NAV1: variants seen among roughly 807,000 people sequenced by gnomAD.
NAV1 encodes neuron navigator 1.
In NAV1, 18 loss-of-function variants were observed where a neutral mutation model predicts 175.2. The observed-to-expected ratio is 0.10, with a 90% CI of 0.07 to 0.15. The LOEUF (loss-of-function observed/expected upper bound fraction) is 0.15. Ranked by LOEUF, NAV1 falls within the 10% of genes least tolerant of loss-of-function variation. The probability of loss-of-function intolerance (pLI) is 1.00; values close to 1 mark genes in which losing one functional copy is unlikely to be tolerated. For synonymous variants in NAV1, 897 were observed against 978.7 expected, an observed-to-expected ratio of 0.92 and a Z score of 1.56; for missense variants, 1,731 against 2,436.6, an observed-to-expected ratio of 0.71 and a Z score of 6.10.
chr1:201,712,940 G>A, intron 2 of NAV1, 21 bp downstream of exon 6: 1 of 1,576,292 alleles, frequency 6.3e-7, no homozygotes, highest in Non-Finnish European at 8.7e-7. Context: ...GCTGCAGAGA[G>A]GGTCATGCCC....
intron 1 of NAV1, among the ~76,000 whole-genome samples, chr1:201,674,402 G>T (rs1482626322): frequency 6.6e-6 from 1 of 151,988 alleles, no homozygotes; most frequent in East Asian, 1.9e-4. Flanking sequence ...GGGGGGGGTT[G>T]TCCAGGGCCC....
At chr1:201,572,370 C>CTTTTT (rs558471603) in intron 1 of NAV1, among the ~76,000 whole-genome samples, 1 of 136,464 alleles carries the variant, frequency 7.3e-6, no homozygotes, top group Non-Finnish European at 1.6e-5. Flanking sequence ...TTCTTTCTTT[C>CTTTTT]TTTTTTTTTT....
At chr1:201,595,442 G>T (rs1332109816) in intron 2 of NAV1, among the ~76,000 whole-genome samples, 2 of 152,154 alleles carry the variant, frequency 1.3e-5, no homozygotes, top group African/African-American at 4.8e-5. Flanking sequence ...CCATTCTCTG[G>T]CTCAGTGGCT....
chr1:201,654,707 C>A (rs935559668), intron 1 of NAV1, among the ~76,000 whole-genome samples: 2 of 152,078 alleles, frequency 1.3e-5, no homozygotes, highest in Non-Finnish European at 2.9e-5. Context: ...ATCTCCCTCA[C>A]CCTTCCCTGA....
At chr1:201,649,976 A>T (rs1669125784) in intron 1 of NAV1, among the ~76,000 whole-genome samples, 1 of 150,934 alleles carries the variant, frequency 6.6e-6, no homozygotes, top group South Asian at 2.1e-4. Flanking sequence ...TTCTGGCTAA[A>T]AGAAGCGTCT....
chr1:201,707,237 C>T (rs1379948871), intron 1 of NAV1, among the ~76,000 whole-genome samples: 1 of 152,182 alleles, frequency 6.6e-6, no homozygotes, highest in African/African-American at 2.4e-5. Context: ...GTGTGCACCA[C>T]GCCCATCAGC....
At chr1:201,614,146 G>A (rs1047943785) in intron 2 of NAV1, among the ~76,000 whole-genome samples, 2 of 152,120 alleles carry the variant, frequency 1.3e-5, no homozygotes, top group Non-Finnish European at 2.9e-5. Flanking sequence ...ATCTCAGTGC[G>A]TGAGTTCAGA....
At chr1:201,762,420 G>A (rs1674918555) in intron 3 of NAV1, among the ~76,000 whole-genome samples, 3 of 152,160 alleles carry the variant, frequency 2.0e-5, no homozygotes. Context: ...TCCACTGCCT[G>A]TTTTTGTATG....
At chr1:201,662,839 CA>C (rs1165280512) in intron 1 of NAV1, among the ~76,000 whole-genome samples, 1 of 139,620 alleles carries the variant, frequency 7.2e-6, no homozygotes, top group Non-Finnish European at 1.6e-5. Context: ...GACTTTGTTT[CA>C]ATTCAGCCCT....
Position 201,542,201 on chromosome 1 carries a change from A to T in NAV1, c.-144+2859A>T, listed in dbSNP as rs374983157. ...GTTTAGGGCTCATTCCCTTTCAGCA[A>T]ATCACTGGGAATTTTTATCTTCCTA... On this transcript the variant is annotated intron_variant, in intron 1 of 33. Transcript: ENST00000685211. Among the ~76,000 whole-genome samples the T allele has an allele frequency of 1.8e-4, 27 of 152,222 alleles. No individual in the cohort carries two copies. The East Asian group carries it at 5.2e-3, about 29-fold the overall frequency.
At chr1:201,628,374 T>A (rs949328946) in intron 1 of NAV1, among the ~76,000 whole-genome samples, 5 of 151,982 alleles carry the variant, frequency 3.3e-5, no homozygotes, top group African/African-American at 1.2e-4. Context: ...GTAAAACAGA[T>A]CCCAGCCTTG....
intron 29 of NAV1, among the ~76,000 whole-genome samples, chr1:201,817,820 T>C (rs2102837066): frequency 6.6e-6 from 1 of 152,314 alleles, no homozygotes; most frequent in Non-Finnish European, 1.5e-5. Context: ...TTCATGGAAC[T>C]CCTGTAGAAA....
chr1:201,648,707 G>A, exon 1 of NAV1: 1 of 1,423,868 alleles, frequency 7.0e-7, no homozygotes, highest in Non-Finnish European at 9.1e-7. Flanking sequence ...AGCCCGAGGT[G>A]GAGCTGAGCA....
At position 201,810,410 on chromosome 1, in the gene NAV1, T is replaced by C. The variant is rs533649919; in HGVS notation, c.4562-113T>C. The C allele has an allele frequency of 2.2e-4, 220 of 1,017,148 alleles. No homozygotes were observed. The East Asian group carries it at 5.5e-3, about 26-fold the overall frequency. The allele number at this position is 1,017,148 out of a possible 1,614,324, so 63.0% of individuals were successfully genotyped here. ...GACTCTTATGGAACCATGGGGCAAG[T>C]GGCTCTGAGTTTCTTCAGGGGGCTC... On this transcript the variant is annotated intron_variant, in intron 23 of 29. Transcript: ENST00000367296. The surrounding 1 kb of genome is among the most constrained non-coding windows in gnomAD (Gnocchi z 6.0).
At chr1:201,785,414 T>C (rs1676671198) in intron 8 of NAV1, 63 bp downstream of exon 12, 1 of 1,514,512 alleles carries the variant, frequency 6.6e-7, no homozygotes, top group Non-Finnish European at 9.1e-7. Context: ...TGAAAAATCA[T>C]ATCTCAACCT....
chr1:201,636,819 A>G (rs190384517), intron 2 of NAV1, among the ~76,000 whole-genome samples: 4 of 152,332 alleles, frequency 2.6e-5, no homozygotes, highest in Non-Finnish European at 5.9e-5. Context: ...ACACTGGCAC[A>G]GTCCAGGGGC....
chr1:201,551,252 AG>A (rs2102453230), intron 1 of NAV1, among the ~76,000 whole-genome samples: 1 of 152,068 alleles, frequency 6.6e-6, no homozygotes, highest in South Asian at 2.1e-4. Flanking sequence ...TTCTTGAGAA[AG>A]GGTCTTACTT....
chr1:201,555,777 G>A (rs1483660620), intron 1 of NAV1, among the ~76,000 whole-genome samples: 3 of 150,444 alleles, frequency 2.0e-5, no homozygotes, highest in African/African-American at 7.3e-5. Flanking sequence ...GTTTCCGAAA[G>A]AGAGGCCAGA....
intron 3 of NAV1, among the ~76,000 whole-genome samples, chr1:201,726,717 T>C (rs766282872): frequency 2.0e-5 from 3 of 152,096 alleles, no homozygotes; most frequent in Non-Finnish European, 4.4e-5. Context: ...ATTTAGCTGA[T>C]GGCTTCTGCC....
Sources: gnomAD v4.1 joint callset for allele counts (sites outside exome capture counted in the v4.1 genomes callset) on GRCh38, gnomAD v4.1.1 for gene constraint, Gnocchi (gnomAD v3.1) non-coding constraint, MANE v1.5 for transcripts, NCBI Gene and HGNC (gene_info 2026-07-23, HGNC 2026-07-21) for gene names.